MCTP1: variants seen among roughly 807,000 people sequenced by gnomAD.
MCTP1 encodes multiple C2 and transmembrane domain-containing protein 1.
In MCTP1, 69 loss-of-function variants were observed where a neutral mutation model predicts 120.6. The ratio of observed to expected loss-of-function variants is 0.57; its 90% CI spans 0.47 to 0.70. The LOEUF (loss-of-function observed/expected upper bound fraction) is 0.70. Among genes scored for constraint, MCTP1 ranks in the 30% least tolerant of loss-of-function variants. The pLI, the probability that MCTP1 is intolerant of heterozygous loss-of-function variation, is 0.00. For missense variants in MCTP1, 1,203 were observed against 1,248.8 expected, an observed-to-expected ratio of 0.96 and a Z score of 0.55; for synonymous variants, 529 against 493.1, an observed-to-expected ratio of 1.07 and a Z score of -0.96.
intron 1 of MCTP1, among the ~76,000 whole-genome samples, chr5:95,184,241 G>A (rs1748947946): frequency 6.6e-6 from 1 of 152,048 alleles, no homozygotes; most frequent in Non-Finnish European, 1.5e-5. Flanking sequence ...CCAACTTCTA[G>A]ATATTTGCCC....
At chr5:95,008,833 C>T (rs1433653126) in intron 2 of MCTP1, among the ~76,000 whole-genome samples, 1 of 151,946 alleles carries the variant, frequency 6.6e-6, no homozygotes, top group Non-Finnish European at 1.5e-5. Flanking sequence ...CATCTATAAG[C>T]CAAGAAATGC....
At chr5:95,237,998 A>G (rs192396685) in intron 1 of MCTP1, among the ~76,000 whole-genome samples, 8 of 152,294 alleles carry the variant, frequency 5.3e-5, no homozygotes, top group African/African-American at 1.7e-4. Flanking sequence ...TCACATTGAT[A>G]TGACCAGTAC....
At chr5:95,132,186 C>T (rs868439541) in intron 1 of MCTP1, among the ~76,000 whole-genome samples, 7 of 152,174 alleles carry the variant, frequency 4.6e-5, no homozygotes, top group South Asian at 4.1e-4. Context: ...TTACAGTCAC[C>T]AGAATTGAAG....
chr5:95,001,709 A>G (rs1377679779), intron 2 of MCTP1, among the ~76,000 whole-genome samples: 1 of 152,156 alleles, frequency 6.6e-6, no homozygotes, highest in East Asian at 1.9e-4. Context: ...CTAAGCGGCA[A>G]ACTGTTCAAG....
At chr5:95,067,931 G>A (rs962869448) in intron 1 of MCTP1, among the ~76,000 whole-genome samples, 1 of 151,898 alleles carries the variant, frequency 6.6e-6, no homozygotes, top group African/African-American at 2.4e-5. Context: ...CATCAACATC[G>A]ACCCTTTCCC....
At chr5:95,141,085 C>T (rs1196258483) in intron 1 of MCTP1, among the ~76,000 whole-genome samples, 3 of 152,064 alleles carry the variant, frequency 2.0e-5, no homozygotes, top group Non-Finnish European at 4.4e-5. Flanking sequence ...TATGCCATCT[C>T]TCTTTCCTAA....
At chr5:95,270,757 C>G (rs1759312867) in intron 1 of MCTP1, among the ~76,000 whole-genome samples, 1 of 152,008 alleles carries the variant, frequency 6.6e-6, no homozygotes, top group Non-Finnish European at 1.5e-5. Flanking sequence ...TGGTGAAACC[C>G]CATCTTTACT....
chr5:95,030,002 G>C (rs1305152707), intron 1 of MCTP1, among the ~76,000 whole-genome samples: 2 of 152,188 alleles, frequency 1.3e-5, no homozygotes, highest in Non-Finnish European at 1.5e-5. Flanking sequence ...TCTAGCAAGG[G>C]AGGACAGATA....
intron 1 of MCTP1, among the ~76,000 whole-genome samples, chr5:95,208,528 G>A (rs963447378): frequency 8.6e-5 from 13 of 151,998 alleles, no homozygotes; most frequent in Non-Finnish European, 1.3e-4. Context: ...CAATCTAAGA[G>A]GTAAATATAT....
At chr5:94,887,360 G>C (rs1801569855) in intron 12 of MCTP1, among the ~76,000 whole-genome samples, 1 of 152,032 alleles carries the variant, frequency 6.6e-6, no homozygotes, top group Non-Finnish European at 1.5e-5. Flanking sequence ...TGGCACACAG[G>C]CCAACTGGGT....
At chr5:95,261,175 C>T (rs986131745) in intron 1 of MCTP1, among the ~76,000 whole-genome samples, 10 of 152,228 alleles carry the variant, frequency 6.6e-5, no homozygotes, top group African/African-American at 2.4e-4. Context: ...AACTGCTATC[C>T]ATCAGACAAA....
At chr5:94,872,558 A>T (rs1253905176) in intron 13 of MCTP1, among the ~76,000 whole-genome samples, 1 of 152,086 alleles carries the variant, frequency 6.6e-6, no homozygotes, top group Admixed American at 6.6e-5. Flanking sequence ...GCCCTGTTTA[A>T]AAAACCGAAC....
intron 1 of MCTP1, among the ~76,000 whole-genome samples, chr5:95,089,644 G>A (rs913803033): frequency 1.3e-5 from 2 of 152,108 alleles, no homozygotes; most frequent in African/African-American, 4.8e-5. Context: ...TCCAGCCAGG[G>A]TCTAAAAAGT....
At chr5:95,249,360 T>C (rs1175872995) in intron 1 of MCTP1, among the ~76,000 whole-genome samples, 3 of 152,042 alleles carry the variant, frequency 2.0e-5, no homozygotes, top group African/African-American at 7.2e-5. Flanking sequence ...TATGAACAGA[T>C]ACTTCTCAAA....
At chr5:94,976,055 C>T (rs1828021918) in intron 2 of MCTP1, among the ~76,000 whole-genome samples, 1 of 152,098 alleles carries the variant, frequency 6.6e-6, no homozygotes, top group Non-Finnish European at 1.5e-5. Context: ...ACTTAAGTTG[C>T]ACACCCTTTA....
chr5:95,227,375 T>C (rs1010808440), intron 1 of MCTP1, among the ~76,000 whole-genome samples: 1 of 152,170 alleles, frequency 6.6e-6, no homozygotes, highest in Non-Finnish European at 1.5e-5. Context: ...CCAGTATAAA[T>C]GGAAAGCTTA....
chr5:94,983,011 G>C (rs1199729203), intron 2 of MCTP1, among the ~76,000 whole-genome samples: 2 of 151,786 alleles, frequency 1.3e-5, no homozygotes, highest in East Asian at 1.9e-4. Flanking sequence ...GAAGAATAAG[G>C]GGGATTTAAC....
intron 1 of MCTP1, chr5:95,068,931 C>A: frequency 2.3e-6 from 1 of 436,820 alleles, no homozygotes; most frequent in Non-Finnish European, 3.5e-6. Context: ...AGGCTTAGTT[C>A]CAGGGGAAGA....
Position 95,245,842 on chromosome 5 carries a change from A to G in MCTP1, c.720+38014T>C, listed in dbSNP as rs544855394. ...GAAATACAGAAAACACCACAAAGAT[A>G]CTCCTGGAGAAGAGCAACCCCAAGA... On this transcript the variant is annotated intron_variant, in intron 1 of 22. Coordinates refer to ENST00000515393, the MANE Select transcript of MCTP1 (RefSeq NM_024717.7). Among the ~76,000 whole-genome samples the G allele has an allele frequency of 2.0e-5, 3 of 152,238 alleles. No individual in the cohort carries two copies. In the East Asian group the frequency reaches 5.8e-4, roughly 29 times the overall value.
Sources: gnomAD v4.1 joint callset for allele counts (sites outside exome capture counted in the v4.1 genomes callset) on GRCh38, gnomAD v4.1.1 for gene constraint, MANE v1.5 for transcripts, NCBI Gene and HGNC (gene_info 2026-07-23, HGNC 2026-07-21) for gene names.